LDLRAD4: variants seen among roughly 807,000 people sequenced by gnomAD.
LDLRAD4 encodes the protein low-density lipoprotein receptor class A domain-containing protein 4.
In LDLRAD4, 5 loss-of-function variants were observed where a neutral mutation model predicts 17.0. The ratio of observed to expected loss-of-function variants is 0.29; its 90% CI spans 0.15 to 0.62. The LOEUF is 0.62. Among genes scored for constraint, LDLRAD4 ranks in the 20% least tolerant of loss-of-function variants. The pLI is 0.84. For missense variants in LDLRAD4, 340 were observed against 424.7 expected (o/e 0.80, Z 1.75); for synonymous variants, 168 against 171.8 (o/e 0.98, Z 0.17).
At chr18:13,591,495 C>A (rs1299360) in intron 3 of LDLRAD4, among the ~76,000 whole-genome samples, 139,706 of 152,112 alleles carry the variant, frequency 0.92, 64,155 homozygotes, top group East Asian at 1. Context: ...AGAGGAAGAC[C>A]GCGACAGAAT....
At chr18:13,258,220 T>G (rs921877237) in intron 1 of LDLRAD4, among the ~76,000 whole-genome samples, 10 of 152,242 alleles carry the variant, frequency 6.6e-5, no homozygotes, top group Admixed American at 6.5e-4. Flanking sequence ...CAGTTGAAAA[T>G]TCCTAAATTC....
At chr18:13,243,202 T>C (rs1039019182) in intron 1 of LDLRAD4, among the ~76,000 whole-genome samples, 3 of 152,222 alleles carry the variant, frequency 2.0e-5, no homozygotes, top group Non-Finnish European at 4.4e-5. Flanking sequence ...ATGGGCAGCA[T>C]GGTGTGGGAG....
At chr18:13,587,199 A>G (rs906553496) in intron 3 of LDLRAD4, among the ~76,000 whole-genome samples, 2 of 152,094 alleles carry the variant, frequency 1.3e-5, no homozygotes, top group African/African-American at 2.4e-5. Context: ...ATCTGGGTGG[A>G]CCTGAAAATT....
upstream of LDLRAD4, among the ~76,000 whole-genome samples, chr18:13,273,967 C>G (rs2044709276): frequency 6.6e-6 from 1 of 152,054 alleles, no homozygotes; most frequent in East Asian, 1.9e-4. Flanking sequence ...GATCGGCAGC[C>G]CCACAGGACC....
At chr18:13,219,969 T>C (rs553865602) in intron 1 of LDLRAD4, among the ~76,000 whole-genome samples, 7 of 152,366 alleles carry the variant, frequency 4.6e-5, no homozygotes, top group African/African-American at 1.7e-4. Context: ...TTCTGGAATA[T>C]AGTCTTTGTG....
chr18:13,528,484 C>T (rs763795725), intron 3 of LDLRAD4, among the ~76,000 whole-genome samples: 7 of 152,018 alleles, frequency 4.6e-5, no homozygotes, highest in African/African-American at 1.2e-4. Flanking sequence ...GGCTAATTTT[C>T]GTATCTGTAA....
intron 3 of LDLRAD4, chr18:13,614,354 T>G (rs944674121): frequency 6.6e-6 from 1 of 151,912 alleles, no homozygotes; most frequent in African/African-American, 2.4e-5. Flanking sequence ...GAACCCATCA[T>G]CGGGGCTTAG....
chr18:13,230,304 C>T (rs2042008603), intron 1 of LDLRAD4, among the ~76,000 whole-genome samples: 1 of 152,180 alleles, frequency 6.6e-6, no homozygotes, highest in Non-Finnish European at 1.5e-5. Context: ...TATTTCGTTA[C>T]AGCAGCACGG....
intron 2 of LDLRAD4, among the ~76,000 whole-genome samples, chr18:13,409,656 C>A (rs561561304): frequency 8.5e-5 from 13 of 152,240 alleles, no homozygotes; most frequent in African/African-American, 2.6e-4. Context: ...CTGTTTCATT[C>A]TTAGATTAGG....
chr18:13,225,115 T>C (rs1229369323), intron 1 of LDLRAD4, among the ~76,000 whole-genome samples: 1 of 152,132 alleles, frequency 6.6e-6, no homozygotes, highest in Middle Eastern at 3.2e-3. Context: ...GGATTACAGG[T>C]GTGAGCCACT....
intron 3 of LDLRAD4, among the ~76,000 whole-genome samples, chr18:13,534,506 C>T (rs1421212048): frequency 6.7e-6 from 1 of 150,256 alleles, no homozygotes; most frequent in Non-Finnish European, 1.5e-5. Context: ...AGAAAGAGGA[C>T]GAAAAGGCTT....
chr18:13,229,005 T>A (rs1298642397), intron 1 of LDLRAD4, among the ~76,000 whole-genome samples: 1 of 152,266 alleles, frequency 6.6e-6, no homozygotes, highest in Non-Finnish European at 1.5e-5. Context: ...CTTTGGTTGC[T>A]GTAACATTGT....
intron 2 of LDLRAD4, among the ~76,000 whole-genome samples, chr18:13,432,208 C>T (rs570654368): frequency 4.8e-4 from 73 of 152,332 alleles, no homozygotes; most frequent in South Asian, 2.3e-3. Context: ...CAAAAGCTGA[C>T]GTTTAAGAAG....
intron 2 of LDLRAD4, among the ~76,000 whole-genome samples, chr18:13,433,210 G>C (rs1328844750): frequency 6.6e-6 from 1 of 152,148 alleles, no homozygotes; most frequent in Admixed American, 6.5e-5. Flanking sequence ...TGACCTCTTT[G>C]CTATTTACAA....
chr18:13,281,227 A>G (rs539857172), intron 1 of LDLRAD4, among the ~76,000 whole-genome samples: 36 of 152,116 alleles, frequency 2.4e-4, no homozygotes, highest in Non-Finnish European at 2.1e-4. Context: ...GCTCTACTAA[A>G]AAATCAAAAA....
chr18:13,386,011 C>T (rs1186631824), intron 1 of LDLRAD4, among the ~76,000 whole-genome samples: 1 of 152,148 alleles, frequency 6.6e-6, no homozygotes, highest in Non-Finnish European at 1.5e-5. Context: ...TTATAACATA[C>T]TCCTTGTAAT....
rs146120507 is a variant in LDLRAD4, at chr18:13,531,411, A to G, written c.182-89706A>G. On this transcript the variant is annotated intron_variant, in intron 3 of 5. Coordinates refer to ENST00000359446, the Ensembl canonical transcript of LDLRAD4. ...GACTGCTTGACCCCAGGAGTTTGAG[A>G]CCAGCCTGGGCAACATAGTGAGACC... 4.7e-3 allele frequency among the ~76,000 whole-genome samples: 703 copies of G among 149,848 alleles called. 8 individuals are homozygous for G. The highest frequency in any genetic ancestry group is 0.017 in the African/African-American group (671 of 40,570).
chr18:13,500,773 A>T (rs1245488570), intron 3 of LDLRAD4: 1 of 152,246 alleles, frequency 6.6e-6, no homozygotes, highest in African/African-American at 2.4e-5. Flanking sequence ...TGGATTGTTG[A>T]CAGTAACCAC....
intron 1 of LDLRAD4, among the ~76,000 whole-genome samples, chr18:13,245,847 G>T (rs2042929511): frequency 6.6e-6 from 1 of 152,204 alleles, no homozygotes; most frequent in African/African-American, 2.4e-5. Context: ...TCTTGTCTCG[G>T]GTTGTTGACT....
Sources: gnomAD v4.1 joint callset for allele counts (sites outside exome capture counted in the v4.1 genomes callset) on GRCh38, gnomAD v4.1.1 for gene constraint, MANE v1.5 for transcripts, NCBI Gene and HGNC (gene_info 2026-07-23, HGNC 2026-07-21) for gene names.